PTPRD: variants seen among roughly 807,000 people sequenced by gnomAD.
PTPRD encodes the protein receptor-type tyrosine-protein phosphatase delta.
In PTPRD, 34 loss-of-function variants were observed where a neutral mutation model predicts 214.5. The ratio of observed to expected loss-of-function variants is 0.16; its 90% CI spans 0.12 to 0.21. The LOEUF (loss-of-function observed/expected upper bound fraction) is 0.21. PTPRD is among the 10% of genes least tolerant of loss of function. The pLI, the probability that PTPRD is intolerant of heterozygous loss-of-function variation, is 1.00. For synonymous variants in PTPRD, 1,128 were observed against 845.7 expected (o/e 1.33, Z -5.79); for missense variants, 2,545 against 2,398.7 (o/e 1.06, Z -1.27).
At chr9:8,538,783 C>G (rs1177641079) in intron 14 of PTPRD, among the ~76,000 whole-genome samples, 1 of 151,812 alleles carries the variant, frequency 6.6e-6, no homozygotes, top group Non-Finnish European at 1.5e-5. Flanking sequence ...AGGCTGGGAG[C>G]AGTAATACCC....
At chr9:9,606,050 C>A (rs140839299) in intron 7 of PTPRD, among the ~76,000 whole-genome samples, 20 of 152,106 alleles carry the variant, frequency 1.3e-4, no homozygotes, top group African/African-American at 4.8e-4. Context: ...TCCACAGTTT[C>A]TTTTAAGAGT....
chr9:8,331,800 C>T (rs930747563), intron 43 of PTPRD, 64 bp from the exon 44 acceptor site: 48 of 1,486,544 alleles, frequency 3.2e-5, no homozygotes, highest in African/African-American at 1.5e-4. Context: ...AGCAAGCATA[C>T]GGACCACAAG....
chr9:8,930,532 G>A (rs13290982), intron 11 of PTPRD, among the ~76,000 whole-genome samples: 20,322 of 151,962 alleles, frequency 0.13, 1,885 homozygotes, highest in East Asian at 0.44. Flanking sequence ...CGGAGGAATC[G>A]CCACACTGTC....
intron 23 of PTPRD, among the ~76,000 whole-genome samples, chr9:8,502,848 G>GTGTATATATATATATATATA (rs1554658829): frequency 1.4e-5 from 2 of 147,100 alleles, no homozygotes; most frequent in African/African-American, 2.5e-5. Flanking sequence ...ATGTGTGTGT[G>GTGTATATATATATATATATA]TATATATATA....
At chr9:8,611,065 C>A (rs1371198515) in intron 14 of PTPRD, among the ~76,000 whole-genome samples, 1 of 152,152 alleles carries the variant, frequency 6.6e-6, no homozygotes, top group Non-Finnish European at 1.5e-5. Flanking sequence ...ATACTCAAAA[C>A]ACGTGATGAA....
chr9:10,159,999 C>A (rs377345072), intron 3 of PTPRD, among the ~76,000 whole-genome samples: 1 of 152,094 alleles, frequency 6.6e-6, no homozygotes, highest in East Asian at 1.9e-4. Flanking sequence ...TGACAAATAT[C>A]TGGGTACAGA....
chr9:9,723,824 G>A (rs1172497377), intron 7 of PTPRD, among the ~76,000 whole-genome samples: 2 of 152,062 alleles, frequency 1.3e-5, no homozygotes, highest in Non-Finnish European at 2.9e-5. Flanking sequence ...CATTACGAAT[G>A]TATAGAAATA....
At chr9:9,188,453 G>A (rs2099933043) in intron 9 of PTPRD, among the ~76,000 whole-genome samples, 1 of 152,000 alleles carries the variant, frequency 6.6e-6, no homozygotes, top group Admixed American at 6.6e-5. Context: ...TTTCCAAAGT[G>A]GTTGTAGCAA....
chr9:9,642,815 A>G (rs895487941), intron 7 of PTPRD, among the ~76,000 whole-genome samples: 1 of 152,174 alleles, frequency 6.6e-6, no homozygotes, highest in Non-Finnish European at 1.5e-5. Context: ...TATTATTTCC[A>G]TTTTTCATAC....
intron 5 of PTPRD, among the ~76,000 whole-genome samples, chr9:9,838,384 A>C (rs2057408816): frequency 6.6e-6 from 1 of 152,038 alleles, no homozygotes; most frequent in African/African-American, 2.4e-5. Flanking sequence ...CAGTCCCACC[A>C]ACAGTGTAAA....
At chr9:8,874,279 T>C (rs985067769) in intron 11 of PTPRD, among the ~76,000 whole-genome samples, 1 of 152,162 alleles carries the variant, frequency 6.6e-6, no homozygotes, top group African/African-American at 2.4e-5. Context: ...CAGATTTTAT[T>C]TTTCTTTTCA....
chr9:10,475,879 A>C (rs556562503), intron 2 of PTPRD, among the ~76,000 whole-genome samples: 2 of 150,336 alleles, frequency 1.3e-5, no homozygotes, highest in Non-Finnish European at 3.0e-5. Flanking sequence ...GACAAAAAAA[A>C]ACATATGATT....
At chr9:10,249,760 T>G (rs529212837) in intron 3 of PTPRD, among the ~76,000 whole-genome samples, 1 of 152,302 alleles carries the variant, frequency 6.6e-6, no homozygotes, top group East Asian at 1.9e-4. Flanking sequence ...GTCTTGCATT[T>G]TAAGGTCTGG....
At chr9:8,472,012 G>C (rs1423865759) in intron 30 of PTPRD, among the ~76,000 whole-genome samples, 1 of 152,014 alleles carries the variant, frequency 6.6e-6, no homozygotes, top group Non-Finnish European at 1.5e-5. Context: ...GCATAATCTG[G>C]TTTTGTCCTC....
At chr9:8,708,386 G>C (rs1406278474) in intron 12 of PTPRD, among the ~76,000 whole-genome samples, 1 of 151,838 alleles carries the variant, frequency 6.6e-6, no homozygotes, top group Non-Finnish European at 1.5e-5. Flanking sequence ...GAAAAATGAA[G>C]CTACAGGCCA....
intron 11 of PTPRD, among the ~76,000 whole-genome samples, chr9:8,838,246 T>TAA (rs2097480959): frequency 1.4e-5 from 2 of 144,074 alleles, no homozygotes; most frequent in African/African-American, 5.1e-5. Context: ...CGACTTCAAA[T>TAA]TAAAAAAAAA....
chr9:9,541,981 C>G (rs1035291019), intron 8 of PTPRD, among the ~76,000 whole-genome samples: 1 of 151,304 alleles, frequency 6.6e-6, no homozygotes, highest in African/African-American at 2.4e-5. Flanking sequence ...CAGAATAAGG[C>G]AATATTCAAG....
chr9:9,405,097 G>A (rs1384489891), intron 8 of PTPRD, among the ~76,000 whole-genome samples: 5 of 151,902 alleles, frequency 3.3e-5, no homozygotes, highest in Non-Finnish European at 7.4e-5. Flanking sequence ...ATTTCTTATA[G>A]GAAACACTCT....
chr9:9,951,264 G>A (rs907919691), intron 4 of PTPRD, among the ~76,000 whole-genome samples: 1 of 152,108 alleles, frequency 6.6e-6, no homozygotes, highest in African/African-American at 2.4e-5. Flanking sequence ...TCTAAGGCAA[G>A]CTATAAAAGC....
Sources: gnomAD v4.1 joint callset for allele counts (sites outside exome capture counted in the v4.1 genomes callset) on GRCh38, gnomAD v4.1.1 for gene constraint, MANE v1.5 for transcripts, NCBI Gene and HGNC (gene_info 2026-07-23, HGNC 2026-07-21) for gene names.